CTNNA3: variants seen among roughly 807,000 people sequenced by gnomAD.
The protein encoded by CTNNA3 is catenin alpha 3, also known as catenin alpha-3.
Under a neutral mutation model 95.7 loss-of-function variants are expected in CTNNA3, and 76 were observed. The observed-to-expected ratio is 0.79, with a 90% CI of 0.66 to 0.96. The LOEUF (loss-of-function observed/expected upper bound fraction) is 0.96. CTNNA3 is among the 40% of genes least tolerant of loss of function. The pLI is 0.00. For synonymous variants in CTNNA3, 431 were observed against 374.4 expected (o/e 1.15, Z -1.74); for missense variants, 1,191 against 1,089.8 (o/e 1.09, Z -1.31).
At chr10:66,380,625 C>CTA (rs57630837) in intron 11 of CTNNA3, among the ~76,000 whole-genome samples, 6,518 of 122,728 alleles carry the variant, frequency 0.053, 177 homozygotes, top group East Asian at 0.11. Flanking sequence ...ATCTATCTAT[C>CTA]TATATATATA....
intron 5 of CTNNA3, among the ~76,000 whole-genome samples, chr10:67,497,956 A>G (rs995399272): frequency 4.6e-5 from 7 of 152,138 alleles, no homozygotes; most frequent in African/African-American, 1.4e-4. Context: ...CCATTTGTCA[A>G]TTTTGGCTTT....
At chr10:66,198,711 C>A (rs998055023) in intron 13 of CTNNA3, among the ~76,000 whole-genome samples, 1 of 151,894 alleles carries the variant, frequency 6.6e-6, no homozygotes, top group African/African-American at 2.4e-5. Context: ...AAAGAGAAAC[C>A]TCCTCAGCCA....
chr10:66,670,612 G>A (rs1273685738), intron 9 of CTNNA3, among the ~76,000 whole-genome samples: 3 of 152,086 alleles, frequency 2.0e-5, no homozygotes, highest in African/African-American at 7.2e-5. Context: ...CTCCGATTCT[G>A]CCCTTAAAGG....
chr10:66,515,281 C>CTATCTATCTATCTATG (rs1564504248), intron 11 of CTNNA3, among the ~76,000 whole-genome samples: 1 of 151,140 alleles, frequency 6.6e-6, no homozygotes, highest in Non-Finnish European at 1.5e-5. Flanking sequence ...ATCTATCTAT[C>CTATCTATCTATCTATG]TATCTATCTA....
chr10:65,923,104 A>T (rs1195661225), intron 17 of CTNNA3, among the ~76,000 whole-genome samples: 1 of 152,190 alleles, frequency 6.6e-6, no homozygotes, highest in African/African-American at 2.4e-5. Flanking sequence ...ACAATTGAAG[A>T]TGAGATTTGG....
intron 5 of CTNNA3, among the ~76,000 whole-genome samples, chr10:67,373,325 T>G (rs1243518746): frequency 6.6e-6 from 1 of 152,230 alleles, no homozygotes; most frequent in Non-Finnish European, 1.5e-5. Context: ...GATTGCAATC[T>G]TAGTCTCTGA....
At chr10:66,737,325 G>A (rs985808082) in intron 9 of CTNNA3, among the ~76,000 whole-genome samples, 9 of 152,064 alleles carry the variant, frequency 5.9e-5, no homozygotes, top group South Asian at 2.1e-4. Flanking sequence ...AAAATATTCC[G>A]TGGCCAGTGT....
intron 11 of CTNNA3, among the ~76,000 whole-genome samples, chr10:66,389,677 A>C (rs1342877480): frequency 6.6e-6 from 1 of 151,896 alleles, no homozygotes; most frequent in East Asian, 1.9e-4. Context: ...TGCATTTTTA[A>C]AATTATAATT....
At chr10:66,569,029 C>T (rs1842791093) in intron 10 of CTNNA3, among the ~76,000 whole-genome samples, 1 of 151,932 alleles carries the variant, frequency 6.6e-6, no homozygotes, top group Non-Finnish European at 1.5e-5. Context: ...GGAACATGCC[C>T]TCTGATAAAC....
chr10:66,584,584 G>C (rs1843299391), intron 10 of CTNNA3, among the ~76,000 whole-genome samples: 1 of 151,712 alleles, frequency 6.6e-6, no homozygotes, highest in African/African-American at 2.4e-5. Flanking sequence ...TACATGTGAG[G>C]TATGTCTTCT....
intron 7 of CTNNA3, among the ~76,000 whole-genome samples, chr10:66,906,108 C>T (rs1204427725): frequency 1.3e-5 from 2 of 152,064 alleles, no homozygotes; most frequent in African/African-American, 4.8e-5. Flanking sequence ...ATGTAATAAT[C>T]ATCAGTGACT....
At chr10:67,018,606 G>C (rs904542931) in intron 7 of CTNNA3, among the ~76,000 whole-genome samples, 5 of 152,178 alleles carry the variant, frequency 3.3e-5, no homozygotes, top group African/African-American at 1.2e-4. Context: ...TTAAGTCTGT[G>C]GGCTCTGGAG....
At chr10:66,903,325 T>A (rs550719619) in intron 7 of CTNNA3, among the ~76,000 whole-genome samples, 1 of 152,062 alleles carries the variant, frequency 6.6e-6, no homozygotes, top group African/African-American at 2.4e-5. Context: ...CAAAATTCAA[T>A]AGCCCTTCCT....
chr10:67,471,796 T>C (rs1564673621), intron 5 of CTNNA3, among the ~76,000 whole-genome samples: 1 of 152,210 alleles, frequency 6.6e-6, no homozygotes, highest in Non-Finnish European at 1.5e-5. Flanking sequence ...GAAGACATTT[T>C]AGTCAGTGAA....
intron 5 of CTNNA3, among the ~76,000 whole-genome samples, chr10:67,365,051 A>T (rs1243330688): frequency 6.6e-6 from 1 of 152,176 alleles, no homozygotes; most frequent in Admixed American, 6.5e-5. Flanking sequence ...AACAGAACAG[A>T]GGCCTCAGAA....
chr10:67,323,316 G>C (rs1162363425), intron 5 of CTNNA3, among the ~76,000 whole-genome samples: 1 of 152,024 alleles, frequency 6.6e-6, no homozygotes, highest in Non-Finnish European at 1.5e-5. Context: ...GAATGGTATT[G>C]ACTATTTTCT....
intron 9 of CTNNA3, among the ~76,000 whole-genome samples, chr10:66,641,162 G>A (rs1845503999): frequency 6.6e-6 from 1 of 152,012 alleles, no homozygotes; most frequent in Admixed American, 6.6e-5. Context: ...GAAAATTATA[G>A]TCATTGCAAT....
intron 5 of CTNNA3, among the ~76,000 whole-genome samples, chr10:67,403,587 C>A (rs1440942294): frequency 2.6e-5 from 4 of 152,180 alleles, no homozygotes; most frequent in Non-Finnish European, 5.9e-5. Context: ...CCCAGGGGGC[C>A]AGGTGGGCTG....
chr10:66,054,260 G>T (rs2133547948), intron 15 of CTNNA3, among the ~76,000 whole-genome samples: 1 of 152,212 alleles, frequency 6.6e-6, no homozygotes, highest in African/African-American at 2.4e-5. Flanking sequence ...GGGATTGATG[G>T]ATCACATGGA....
Sources: allele counts gnomAD v4.1 joint callset (sites outside exome capture counted in the v4.1 genomes callset), GRCh38; gene constraint gnomAD v4.1.1; transcripts MANE v1.5; gene names NCBI Gene and HGNC (gene_info 2026-07-23, HGNC 2026-07-21).